The following SH3PXD2A variants were observed in gnomAD, a reference collection of about 807,000 sequenced individuals.
SH3PXD2A encodes SH3 and PX domain-containing protein 2A.
SH3PXD2A carries 32 observed loss-of-function variants against 115.2 expected under a neutral mutation model. The ratio of observed to expected loss-of-function variants is 0.28; its 90% CI spans 0.21 to 0.37. The LOEUF (loss-of-function observed/expected upper bound fraction) is 0.37, where lower values mean the gene tolerates loss of function less well. SH3PXD2A is among the 10% of genes least tolerant of loss of function. The probability of loss-of-function intolerance (pLI) is 1.00; values close to 1 mark genes in which losing one functional copy is unlikely to be tolerated. For missense variants in SH3PXD2A, 1,328 were observed against 1,498.7 expected (o/e 0.89, Z 1.88); for synonymous variants, 610 against 629.1 (o/e 0.97, Z 0.45).
intron 1 of SH3PXD2A, among the ~76,000 whole-genome samples, chr10:103,849,814 A>G (rs908149098): frequency 1.3e-5 from 2 of 152,072 alleles, no homozygotes; most frequent in Non-Finnish European, 2.9e-5. Context: ...CATTTCCCAC[A>G]CACACCCCTT....
At chr10:103,610,625 C>G (rs2036411795) in intron 13 of SH3PXD2A, among the ~76,000 whole-genome samples, 1 of 152,186 alleles carries the variant, frequency 6.6e-6, no homozygotes, top group African/African-American at 2.4e-5. Context: ...CACAGTAACT[C>G]TTGTTGCTAA....
chr10:103,782,339 G>A (rs1269522032), intron 2 of SH3PXD2A, among the ~76,000 whole-genome samples: 1 of 152,168 alleles, frequency 6.6e-6, no homozygotes, highest in Non-Finnish European at 1.5e-5. Flanking sequence ...AATTTGAGAA[G>A]TCCTCATTGT....
At chr10:103,668,551 G>A (rs1305423446) in intron 7 of SH3PXD2A, 57 bp downstream of exon 7, 87 of 1,456,452 alleles carry the variant, frequency 6.0e-5, no homozygotes, top group Non-Finnish European at 7.8e-5. Context: ...ACCGGCTCCC[G>A]CGCACACGGA....
intron 5 of SH3PXD2A, among the ~76,000 whole-genome samples, chr10:103,701,659 A>AT (rs796454227): frequency 7.3e-6 from 1 of 136,170 alleles, no homozygotes. Flanking sequence ...CCATCCATCC[A>AT]CCATCCATCC....
intron 2 of SH3PXD2A, among the ~76,000 whole-genome samples, chr10:103,791,439 C>T (rs188384051): frequency 4.7e-4 from 72 of 152,336 alleles, no homozygotes; most frequent in African/African-American, 1.7e-3. Context: ...CACAGACCCA[C>T]AGCACGGTGC....
At chr10:103,825,378 G>C (rs1454155158) in intron 1 of SH3PXD2A, among the ~76,000 whole-genome samples, 1 of 152,194 alleles carries the variant, frequency 6.6e-6, no homozygotes, top group African/African-American at 2.4e-5. Flanking sequence ...GGCGTTGCAG[G>C]GAGGAGGGAA....
chr10:103,734,649 T>C (rs548895034), intron 4 of SH3PXD2A, among the ~76,000 whole-genome samples: 2 of 152,300 alleles, frequency 1.3e-5, no homozygotes, highest in African/African-American at 4.8e-5. Context: ...CTCGGAAGGC[T>C]GAGGCATGAG....
chr10:103,744,741 G>C (rs1033093669), intron 3 of SH3PXD2A, among the ~76,000 whole-genome samples: 1 of 152,188 alleles, frequency 6.6e-6, no homozygotes, highest in South Asian at 2.1e-4. Context: ...GCACATGCAG[G>C]TTCCGGAAAG....
chr10:103,845,962 T>A (rs1226297717), intron 1 of SH3PXD2A, among the ~76,000 whole-genome samples: 1 of 152,236 alleles, frequency 6.6e-6, no homozygotes, highest in East Asian at 1.9e-4. Flanking sequence ...CATGGGGCAT[T>A]ACTTCCATTC....
intron 3 of SH3PXD2A, among the ~76,000 whole-genome samples, chr10:103,748,388 T>C (rs1489518892): frequency 6.6e-6 from 1 of 152,200 alleles, no homozygotes; most frequent in African/African-American, 2.4e-5. Flanking sequence ...CCCCGGGCTG[T>C]GCAACCTGTG....
intron 6 of SH3PXD2A, among the ~76,000 whole-genome samples, chr10:103,685,448 G>A (rs2037665580): frequency 6.6e-6 from 1 of 151,960 alleles, no homozygotes; most frequent in Non-Finnish European, 1.5e-5. Context: ...ACCTACCCTG[G>A]TTGTTGCAGG....
chr10:103,756,627 C>A lies in SH3PXD2A; in HGVS notation c.229+10467G>T, dbSNP rs1246656995. Among the ~76,000 whole-genome samples, 1 of 152,144 alleles carries A rather than the reference C, an allele frequency of 6.6e-6. No homozygotes were observed. The highest frequency in any genetic ancestry group is 1.5e-5 in the Non-Finnish European group (1 of 68,016). ...GGAGGAAGTCCTTTCCCTTCACCCCCACGGATGCAGCCCACAGGCAGGAGT... is the reference window on the plus strand; with the variant it reads ...GGAGGAAGTCCTTTCCCTTCACCCCAACGGATGCAGCCCACAGGCAGGAGT... On this transcript the variant is annotated intron_variant, in intron 3 of 14. Transcript: ENST00000369774. The surrounding 1 kb of genome is among the most constrained non-coding windows in gnomAD (Gnocchi z 4.4).
At chr10:103,668,915 G>A (rs2037421793) in intron 6 of SH3PXD2A, among the ~76,000 whole-genome samples, 1 of 152,268 alleles carries the variant, frequency 6.6e-6, no homozygotes, top group Non-Finnish European at 1.5e-5. Flanking sequence ...CTCCTTCGGA[G>A]CACAGAGAAT....
chr10:103,805,567 G>A (rs1426287541), intron 1 of SH3PXD2A, among the ~76,000 whole-genome samples: 1 of 152,218 alleles, frequency 6.6e-6, no homozygotes, highest in Non-Finnish European at 1.5e-5. Context: ...TCCCCCCTCG[G>A]AAAAGTTCTT....
chr10:103,840,446 G>A (rs559336615), intron 1 of SH3PXD2A, among the ~76,000 whole-genome samples: 1 of 152,318 alleles, frequency 6.6e-6, no homozygotes, highest in African/African-American at 2.4e-5. Flanking sequence ...CTGTCTGGGA[G>A]AAGAAAGAGA....
chr10:103,704,030 C>T (rs1045772301), intron 5 of SH3PXD2A, among the ~76,000 whole-genome samples: 3 of 152,178 alleles, frequency 2.0e-5, no homozygotes, highest in African/African-American at 7.2e-5. Context: ...ACATAAAGTC[C>T]CCCGTGCACA....
intron 5 of SH3PXD2A, among the ~76,000 whole-genome samples, chr10:103,696,342 A>G (rs1185316339): frequency 6.6e-6 from 1 of 151,770 alleles, no homozygotes; most frequent in East Asian, 1.9e-4. Context: ...AGTGGCTGGG[A>G]CTCTCCCATC....
chr10:103,613,337 AT>A, intron 11 of SH3PXD2A, 147 bp from the exon 12 acceptor site: 1 of 582,434 alleles, frequency 1.7e-6, no homozygotes, highest in South Asian at 2.7e-5. Context: ...CTGGAGAGAA[AT>A]GGCACCGAGG....
At chr10:103,822,783 T>C (rs551812868) in intron 1 of SH3PXD2A, among the ~76,000 whole-genome samples, 4 of 152,306 alleles carry the variant, frequency 2.6e-5, no homozygotes, top group South Asian at 2.1e-4. Context: ...AATTTTTAAA[T>C]GGACCAAGAA....
Sources: allele counts gnomAD v4.1 joint callset (sites outside exome capture counted in the v4.1 genomes callset), GRCh38; gene constraint gnomAD v4.1.1; non-coding constraint Gnocchi (gnomAD v3.1); transcripts MANE v1.5; gene names NCBI Gene and HGNC (gene_info 2026-07-23, HGNC 2026-07-21).